GLT1D1: variants seen among roughly 807,000 people sequenced by gnomAD.
GLT1D1 encodes the protein glycosyltransferase 1 domain containing 1.
GLT1D1 carries 21 observed loss-of-function variants against 28.7 expected under a neutral mutation model. The ratio of observed to expected loss-of-function variants is 0.73; its 90% CI spans 0.52 to 1.05. The LOEUF (loss-of-function observed/expected upper bound fraction) is 1.05. GLT1D1 is among the 50% of genes least tolerant of loss of function. The probability of loss-of-function intolerance (pLI) is 0.00; values close to 1 mark genes in which losing one functional copy is unlikely to be tolerated. For missense variants in GLT1D1, 343 were observed against 330.6 expected (o/e 1.04, Z -0.29); for synonymous variants, 147 against 124.8 (o/e 1.18, Z -1.19).
At chr12:128,915,864 A>G (rs1396041332) in intron 4 of GLT1D1, among the ~76,000 whole-genome samples, 1 of 152,164 alleles carries the variant, frequency 6.6e-6, no homozygotes, top group East Asian at 1.9e-4. Context: ...TTTTTTTAAA[A>G]TAATTCTATA....
intron 4 of GLT1D1, among the ~76,000 whole-genome samples, chr12:128,904,475 A>T (rs1339978578): frequency 6.6e-6 from 1 of 151,746 alleles, no homozygotes; most frequent in Non-Finnish European, 1.5e-5. Flanking sequence ...TTGGTTCTGG[A>T]TGTATTGACT....
chr12:128,920,776 A>G (rs1479567767), intron 4 of GLT1D1, among the ~76,000 whole-genome samples: 1 of 152,204 alleles, frequency 6.6e-6, no homozygotes, highest in Admixed American at 6.5e-5. Context: ...GTTCTCCAGG[A>G]AATGGTTCTA....
At chr12:128,855,532 C>T (rs1192642789) in intron 1 of GLT1D1, among the ~76,000 whole-genome samples, 1 of 152,138 alleles carries the variant, frequency 6.6e-6, no homozygotes, top group Non-Finnish European at 1.5e-5. Context: ...CACCACTGAA[C>T]TCCAGCCTGG....
Position 128,931,919 on chromosome 12 carries a change from A to ACG in GLT1D1, c.376-13406_376-13405insGC, listed in dbSNP as rs764628549. Among the ~76,000 whole-genome samples the ACG allele has an allele frequency of 5.4e-3, 603 of 111,642 alleles. 5 individuals are homozygous for ACG. The highest frequency in any genetic ancestry group is 0.013 in the African/African-American group (427 of 34,122). The allele number at this position is 111,642 out of a possible 152,430, so 73.2% of individuals were successfully genotyped here. On this transcript the variant is annotated intron_variant, in intron 4 of 7. Coordinates refer to ENST00000281703, the MANE Select transcript of GLT1D1 (RefSeq NM_144669.3). ...AGGATATGTGCACACACACGCACGCACACACACACACACACACACACAACG... is the reference window on the plus strand; with the variant it reads ...AGGATATGTGCACACACACGCACGCACGCACACACACACACACACACACAACG...
intron 1 of GLT1D1, among the ~76,000 whole-genome samples, chr12:128,874,934 T>C (rs570200414): frequency 7.9e-5 from 12 of 152,346 alleles, no homozygotes; most frequent in African/African-American, 2.9e-4. Context: ...ATTTTGTTCA[T>C]GTTGTTGTCA....
At chr12:128,924,057 G>C (rs915146955) in intron 4 of GLT1D1, among the ~76,000 whole-genome samples, 1 of 152,018 alleles carries the variant, frequency 6.6e-6, no homozygotes, top group Non-Finnish European at 1.5e-5. Flanking sequence ...ACTTACAGAC[G>C]GCCCAACCCT....
In GLT1D1 at chr12:128,853,729, G is replaced by C. The variant is rs1482005867; in HGVS notation, c.68+80G>C. ...GACGCGGGACCCGGGGACGCGGGGC[G>C]CTCAGCCAGGCCCCCTCCAGCCGCG... is the stretch of plus-strand genomic sequence containing the variant. On this transcript the variant is annotated intron_variant, in intron 1 of 7. Coordinates refer to ENST00000281703, the MANE Select transcript of GLT1D1 (RefSeq NM_144669.3). 3 of 888,898 alleles carry C rather than the reference G, an allele frequency of 3.4e-6. No individual in the cohort carries two copies. The African/African-American group carries it at 5.4e-5, about 16-fold the overall frequency. 55.1% of individuals were successfully genotyped at this position (888,898 alleles called of 1,614,324 possible). A position where few individuals can be genotyped will look rare whatever the true frequency, so the allele number is the denominator to read the frequency against.
At chr12:128,855,623 T>C (rs1172708863) in intron 1 of GLT1D1, among the ~76,000 whole-genome samples, 1 of 152,032 alleles carries the variant, frequency 6.6e-6, no homozygotes, top group East Asian at 1.9e-4. Flanking sequence ...AGAGGGTTCT[T>C]GGATCTTGCA....
intron 4 of GLT1D1, among the ~76,000 whole-genome samples, chr12:128,935,929 T>C (rs1874506933): frequency 1.3e-5 from 2 of 152,232 alleles, no homozygotes; most frequent in East Asian, 1.9e-4. Flanking sequence ...CACATGGCTT[T>C]GTAGTAGAGT....
chr12:128,893,315 A>G (rs1299110921), intron 3 of GLT1D1, among the ~76,000 whole-genome samples: 1 of 152,168 alleles, frequency 6.6e-6, no homozygotes, highest in Non-Finnish European at 1.5e-5. Context: ...ATAAAATGAA[A>G]CACCTCAAAA....
At chr12:128,882,475 C>G (rs1461631898) in intron 2 of GLT1D1, among the ~76,000 whole-genome samples, 1 of 152,030 alleles carries the variant, frequency 6.6e-6, no homozygotes, top group African/African-American at 2.4e-5. Flanking sequence ...TGGGATTTCA[C>G]TATGTTGGCG....
intron 5 of GLT1D1, 181 bp from the exon 10 acceptor site, chr12:128,947,153 CCCTT>C: frequency 3.1e-6 from 2 of 637,470 alleles, no homozygotes; most frequent in Non-Finnish European, 5.5e-6. Flanking sequence ...CTCCCTCCCT[CCCTT>C]GTCAGGGACA....
intron 2 of GLT1D1, among the ~76,000 whole-genome samples, chr12:128,885,784 G>A (rs1957161066): frequency 6.6e-6 from 1 of 152,208 alleles, no homozygotes. Flanking sequence ...CTCGTTGATA[G>A]TGTGTATCTT....
At position 128,911,967 on chromosome 12, in the gene GLT1D1, T is replaced by C. The variant is rs192768278; in HGVS notation, c.375+12680T>C. ...TGGCAGCTCCTCCTTCTCCTCCTGC[T>C]CCTTTCTTCTTTTTTTCTGGGGGTG... On this transcript the variant is annotated intron_variant, in intron 4 of 7. Coordinates refer to ENST00000281703, the MANE Select transcript of GLT1D1 (RefSeq NM_144669.3). Among the ~76,000 whole-genome samples the C allele has an allele frequency of 3.3e-5, 5 of 152,110 alleles. No homozygotes were observed. In the East Asian group the frequency reaches 7.8e-4, roughly 24 times the overall value.
chr12:128,904,231 A>G (rs1870603326), intron 4 of GLT1D1, among the ~76,000 whole-genome samples: 2 of 151,828 alleles, frequency 1.3e-5, no homozygotes. Context: ...ATATCATGCC[A>G]TTTCACCTAT....
intron 6 of GLT1D1, among the ~76,000 whole-genome samples, chr12:128,953,384 C>T (rs1876927645): frequency 6.6e-6 from 1 of 152,076 alleles, no homozygotes; most frequent in African/African-American, 2.4e-5. Context: ...ACAATATTGC[C>T]CAAGCTGGCC....
At chr12:128,929,023 G>A (rs1873583220) in intron 4 of GLT1D1, among the ~76,000 whole-genome samples, 2 of 152,160 alleles carry the variant, frequency 1.3e-5, no homozygotes, top group African/African-American at 2.4e-5. Flanking sequence ...AGGGTATTAG[G>A]AGGTGGGGCC....
At chr12:128,975,459 T>TCC (rs869274103) in intron 7 of GLT1D1, among the ~76,000 whole-genome samples, 1 of 34,292 alleles carries the variant, frequency 2.9e-5, no homozygotes, top group South Asian at 7.7e-4. Context: ...GTTTTTTATT[T>TCC]TTTTCTTTTG....
chr12:128,917,695 C>T (rs958937890), intron 4 of GLT1D1, among the ~76,000 whole-genome samples: 1 of 152,146 alleles, frequency 6.6e-6, no homozygotes, highest in Admixed American at 6.6e-5. Flanking sequence ...AGAAGACATA[C>T]ATGCAGCCAA....
Sources: allele counts gnomAD v4.1 joint callset (sites outside exome capture counted in the v4.1 genomes callset), GRCh38; gene constraint gnomAD v4.1.1; transcripts MANE v1.5; gene names NCBI Gene and HGNC (gene_info 2026-07-23, HGNC 2026-07-21).